The following RNASEH2B variants were observed in gnomAD, a reference collection of about 807,000 sequenced individuals.
The protein encoded by RNASEH2B is ribonuclease H2 subunit B, also known as Aicardi-Goutieres syndrome 2 protein.
Under a neutral mutation model 45.0 loss-of-function variants are expected in RNASEH2B, and 36 were observed. The ratio of observed to expected loss-of-function variants is 0.80; its 90% CI spans 0.61 to 1.06. RNASEH2B has a LOEUF of 1.06. Ranked by LOEUF, RNASEH2B falls within the 50% of genes least tolerant of loss-of-function variation. The pLI is 0.00. For synonymous variants in RNASEH2B, 119 were observed against 125.7 expected (o/e 0.95, Z 0.35); for missense variants, 361 against 360.3 (o/e 1.00, Z -0.02).
chr13:50,946,584 T>C (rs1837789196), intron 7 of RNASEH2B, among the ~76,000 whole-genome samples: 1 of 152,162 alleles, frequency 6.6e-6, no homozygotes, highest in African/African-American at 2.4e-5. Context: ...GATGGATGGA[T>C]GGAACCATAG....
intron 8 of RNASEH2B, 32 bp downstream of exon 8, chr13:50,948,100 G>A: frequency 6.2e-7 from 1 of 1,607,584 alleles, no homozygotes; most frequent in Non-Finnish European, 8.5e-7. Context: ...TCATAATGAA[G>A]TACCATTTGC....
At chr13:50,921,857 G>C (rs1951527965) in intron 1 of RNASEH2B, among the ~76,000 whole-genome samples, 1 of 152,166 alleles carries the variant, frequency 6.6e-6, no homozygotes, top group African/African-American at 2.4e-5. Flanking sequence ...AGGGTTTGTG[G>C]GATTGTAACT....
intron 9 of RNASEH2B, among the ~76,000 whole-genome samples, chr13:50,962,951 A>C (rs542064353): frequency 1.2e-3 from 184 of 151,868 alleles, no homozygotes; most frequent in African/African-American, 4.2e-3. Context: ...CTATCCCCTC[A>C]GCTTCTGGCC....
chr13:50,927,487 T>G lies in RNASEH2B; in HGVS notation c.136+9T>G. On this transcript the variant is annotated intron_variant, in intron 2 of 10. Transcript: ENST00000336617. ...GGTTAACCCCTGTTCAGGTAAGTTC[T>G]CTTCTCATAACTTGAATGTTCTTAA... 2.6e-6 allele frequency: 4 copies of G among 1,554,150 alleles called. No homozygotes were observed. Among genetic ancestry groups the G allele is most frequent in the Non-Finnish European group, 3.6e-6 (4 of 1,125,518 alleles).
intron 9 of RNASEH2B, among the ~76,000 whole-genome samples, chr13:50,961,948 T>C (rs1217288236): frequency 6.6e-6 from 1 of 152,206 alleles, no homozygotes; most frequent in Non-Finnish European, 1.5e-5. Context: ...TCTACTGAGA[T>C]GATCAAGTAG....
At chr13:50,967,758 C>G (rs1952179867) in intron 9 of RNASEH2B, among the ~76,000 whole-genome samples, 2 of 152,344 alleles carry the variant, frequency 1.3e-5, no homozygotes, top group Admixed American at 1.3e-4. Context: ...GCTGATCTAA[C>G]TTGACTAGCT....
downstream of RNASEH2B, among the ~76,000 whole-genome samples, chr13:50,960,814 T>C (rs1952105051): frequency 6.6e-6 from 1 of 152,218 alleles, no homozygotes; most frequent in Admixed American, 6.5e-5. Flanking sequence ...TTTTTTCCAA[T>C]GTTCTGGAAG....
In RNASEH2B at chr13:50,970,372, T is replaced by C. The variant is rs576999314; in HGVS notation, c.*408T>C. On this transcript the variant is annotated 3_prime_UTR_variant, in exon 10 of 10. Transcript: ENST00000422660. The stretch of plus-strand genomic sequence containing the variant: ...AAATCTGACACTGCTTTACTCCATA[T>C]CAATTTGGAAGCTTCTAATTCATAA... 4 of 400,484 alleles carry C rather than the reference T, an allele frequency of 1.0e-5. 1 individual carries two copies. Among genetic ancestry groups the C allele is most frequent in the South Asian group, 5.9e-5 (1 of 16,896 alleles). 24.8% of individuals were successfully genotyped at this position (400,484 alleles called of 1,614,324 possible).
In RNASEH2B at chr13:50,930,664, TC is replaced by T; in HGVS notation, c.245-17del. 1 of 1,582,772 alleles carries T rather than the reference TC, an allele frequency of 6.3e-7. No individual in the cohort carries two copies. The highest frequency in any genetic ancestry group is 8.7e-7 in the Non-Finnish European group (1 of 1,151,584). On this transcript the variant is annotated intron_variant, in intron 3 of 10. Coordinates refer to ENST00000336617, the MANE Select transcript of RNASEH2B (RefSeq NM_024570.4). ...TTTCCAAGACGTTTAATTCCCTTCA[TC>T]CTTTTTGTAATCTGCAGGAGGTCTT...
chr13:50,933,322 G>T (rs1260926739), intron 4 of RNASEH2B, among the ~76,000 whole-genome samples: 1 of 152,212 alleles, frequency 6.6e-6, no homozygotes, highest in Non-Finnish European at 1.5e-5. Flanking sequence ...CACCTCCAGG[G>T]TGCTATGGCG....
intron 5 of RNASEH2B, chr13:50,937,985 T>G (rs1387226758): frequency 6.6e-6 from 1 of 152,210 alleles, no homozygotes; most frequent in African/African-American, 2.4e-5. Context: ...GGAAAGTCAG[T>G]AGTACAACTG....
intron 9 of RNASEH2B, chr13:50,951,676 T>C (rs1228447348): frequency 6.6e-6 from 1 of 152,228 alleles, no homozygotes; most frequent in East Asian, 1.9e-4. Context: ...TGTTACTGTC[T>C]TTCTGAGCCA....
chr13:50,912,888 T>C (rs1879506187), intron 1 of RNASEH2B: 3 of 152,190 alleles, frequency 2.0e-5, no homozygotes, highest in African/African-American at 7.2e-5. Flanking sequence ...CAATGATACT[T>C]TTTTCCAACA....
intron 7 of RNASEH2B, among the ~76,000 whole-genome samples, 156 bp from the exon 8 acceptor site, chr13:50,947,830 AT>A (rs1951924209): frequency 6.6e-6 from 1 of 152,060 alleles, no homozygotes; most frequent in Admixed American, 6.6e-5. Flanking sequence ...AGATATTACT[AT>A]CCCCATTTTA....
chr13:50,948,274 G>C, intron 8 of RNASEH2B: 1 of 722,534 alleles, frequency 1.4e-6, no homozygotes, highest in South Asian at 2.3e-5. Flanking sequence ...AGGAACTAGT[G>C]AATGTCAAGA....
At chr13:50,932,831 T>C (rs910641943) in intron 4 of RNASEH2B, among the ~76,000 whole-genome samples, 1 of 152,146 alleles carries the variant, frequency 6.6e-6, no homozygotes, top group African/African-American at 2.4e-5. Context: ...ATTTGGTAGG[T>C]AAATTAATTT....
intron 1 of RNASEH2B, chr13:50,927,151 T>G: frequency 1.7e-5 from 7 of 406,038 alleles, no homozygotes; most frequent in South Asian, 1.5e-4. Context: ...AAGCCAAGAT[T>G]ATCACCCAGG....
At chr13:50,954,093 A>T in intron 10 of RNASEH2B, 108 bp downstream of exon 10, 1 of 742,980 alleles carries the variant, frequency 1.3e-6, no homozygotes, top group Non-Finnish European at 2.4e-6. Context: ...TTTGACCAGG[A>T]AGAATTATTA....
chr13:50,970,255 G>C, exon 10 of RNASEH2B: 2 of 542,166 alleles, frequency 3.7e-6, no homozygotes, highest in Non-Finnish European at 6.4e-6. Context: ...AGGCCAGCAT[G>C]TTTTAGGTAT....
Sources: allele counts gnomAD v4.1 joint callset (sites outside exome capture counted in the v4.1 genomes callset), GRCh38; gene constraint gnomAD v4.1.1; transcripts MANE v1.5; gene names NCBI Gene and HGNC (gene_info 2026-07-23, HGNC 2026-07-21).